SPOCK3: variants seen among roughly 807,000 people sequenced by gnomAD.
SPOCK3 encodes testican-3.
Under a neutral mutation model 56.6 loss-of-function variants are expected in SPOCK3, and 30 were observed. The ratio of observed to expected loss-of-function variants is 0.53; its 90% CI spans 0.40 to 0.72. The LOEUF (loss-of-function observed/expected upper bound fraction) is 0.72, where lower values mean the gene tolerates loss of function less well. SPOCK3 is among the 30% of genes least tolerant of loss of function. SPOCK3 has a pLI of 0.00. For synonymous variants in SPOCK3, 196 were observed against 183.3 expected (o/e 1.07, Z -0.56); for missense variants, 527 against 530.0 (o/e 0.99, Z 0.06).
At chr4:167,180,670 T>C (rs1313837269) in intron 2 of SPOCK3, among the ~76,000 whole-genome samples, 2 of 152,172 alleles carry the variant, frequency 1.3e-5, no homozygotes, top group African/African-American at 2.4e-5. Flanking sequence ...ATTCTGTGCC[T>C]GGCCTATTTA....
At chr4:167,223,148 GAATATATATTTTATATATGAATATAT>G (rs1411411343) in intron 2 of SPOCK3, among the ~76,000 whole-genome samples, 1 of 112,518 alleles carries the variant, frequency 8.9e-6, no homozygotes, top group Non-Finnish European at 1.7e-5. Context: ...TTTTATATAT[GAATATATATTTTATATATGAATATAT>G]AATATATATT....
intron 10 of SPOCK3, among the ~76,000 whole-genome samples, chr4:166,737,252 C>G (rs181284759): frequency 1.3e-5 from 2 of 152,230 alleles, no homozygotes; most frequent in Admixed American, 1.3e-4. Flanking sequence ...TAATTAATCT[C>G]TCTAGAAAAT....
At chr4:167,111,458 A>G (rs146368311) in intron 2 of SPOCK3, among the ~76,000 whole-genome samples, 2 of 152,236 alleles carry the variant, frequency 1.3e-5, no homozygotes, top group African/African-American at 4.8e-5. Context: ...TTCACTCTAA[A>G]CAAACTATTA....
chr4:166,774,220 T>C (rs1271221796), intron 7 of SPOCK3, among the ~76,000 whole-genome samples: 1 of 152,182 alleles, frequency 6.6e-6, no homozygotes, highest in Non-Finnish European at 1.5e-5. Flanking sequence ...CCATCTTTTT[T>C]ATGACCACCT....
intron 6 of SPOCK3, among the ~76,000 whole-genome samples, chr4:166,848,642 C>G (rs1748347130): frequency 6.6e-6 from 1 of 152,166 alleles, no homozygotes; most frequent in African/African-American, 2.4e-5. Flanking sequence ...TGTGTATGTA[C>G]TAACAGAATA....
chr4:166,784,766 G>A (rs1355300727), intron 7 of SPOCK3, among the ~76,000 whole-genome samples: 3 of 151,972 alleles, frequency 2.0e-5, no homozygotes, highest in Non-Finnish European at 4.4e-5. Context: ...TACCCTGAAG[G>A]TTTACATAAT....
chr4:166,839,867 G>T (rs528344747), intron 6 of SPOCK3, among the ~76,000 whole-genome samples: 18 of 152,098 alleles, frequency 1.2e-4, no homozygotes, highest in Non-Finnish European at 2.4e-4. Flanking sequence ...CTCTTCCCCA[G>T]AAAACCCCCA....
At chr4:167,148,892 A>C (rs1764188189) in intron 2 of SPOCK3, among the ~76,000 whole-genome samples, 1 of 152,170 alleles carries the variant, frequency 6.6e-6, no homozygotes, top group Non-Finnish European at 1.5e-5. Context: ...AAAAATTTGG[A>C]ACATTATTTT....
rs550832224 is a variant in SPOCK3 at position 167,086,872 on chromosome 4, T to C, written c.190-24335A>G. Reference sequence around the variant, plus strand: ...ATATTTGATCATTGAATTAATGAGATTACAAATTTAAACTTTTTCAAGTAT... The same window carrying C: ...ATATTTGATCATTGAATTAATGAGACTACAAATTTAAACTTTTTCAAGTAT... On this transcript the variant is annotated intron_variant, in intron 2 of 10. Coordinates refer to ENST00000357545, the MANE Select transcript of SPOCK3 (RefSeq NM_001040159.2). Among the ~76,000 whole-genome samples, 5 of 152,128 alleles carry C rather than the reference T, an allele frequency of 3.3e-5. No homozygotes were observed. In the East Asian group the frequency reaches 9.7e-4, roughly 29 times the overall value.
intron 4 of SPOCK3, among the ~76,000 whole-genome samples, chr4:166,980,996 C>T (rs923802336): frequency 8.5e-5 from 13 of 152,248 alleles, no homozygotes; most frequent in South Asian, 6.2e-4. Flanking sequence ...GTTCTTGCCG[C>T]GGTCTAGGAA....
intron 2 of SPOCK3, among the ~76,000 whole-genome samples, chr4:167,210,062 T>C (rs187158169): frequency 1.3e-5 from 2 of 152,298 alleles, no homozygotes; most frequent in Admixed American, 1.3e-4. Flanking sequence ...ATGAAAATCA[T>C]CAGCTTAGCA....
chr4:167,113,528 T>G (rs555384373), intron 2 of SPOCK3, among the ~76,000 whole-genome samples: 1 of 152,130 alleles, frequency 6.6e-6, no homozygotes, highest in East Asian at 1.9e-4. Flanking sequence ...TAAGAATGGG[T>G]TTCAGTCAGT....
intron 2 of SPOCK3, among the ~76,000 whole-genome samples, chr4:167,217,507 TTG>T (rs1289096878): frequency 6.6e-6 from 1 of 152,022 alleles, no homozygotes; most frequent in Non-Finnish European, 1.5e-5. Flanking sequence ...AAATACTACA[TTG>T]TGTTATATAA....
intron 3 of SPOCK3, among the ~76,000 whole-genome samples, chr4:167,019,619 A>G (rs1261075080): frequency 2.0e-5 from 3 of 152,024 alleles, no homozygotes; most frequent in South Asian, 2.1e-4. Flanking sequence ...ATTCTTAAAT[A>G]TAAAAGTAGT....
chr4:166,738,399 A>C (rs1175739559), intron 9 of SPOCK3, among the ~76,000 whole-genome samples: 1 of 131,012 alleles, frequency 7.6e-6, no homozygotes, highest in African/African-American at 2.9e-5. Flanking sequence ...GAATAGTAGA[A>C]CAGATAGATA....
chr4:166,770,144 T>A (rs1025651847), intron 7 of SPOCK3, among the ~76,000 whole-genome samples: 2 of 152,068 alleles, frequency 1.3e-5, no homozygotes, highest in African/African-American at 4.8e-5. Flanking sequence ...CCTGGTGAGG[T>A]GATGCCTCAC....
intron 3 of SPOCK3, among the ~76,000 whole-genome samples, chr4:167,021,137 C>G (rs1751131701): frequency 6.6e-6 from 1 of 151,922 alleles, no homozygotes; most frequent in Non-Finnish European, 1.5e-5. Flanking sequence ...CTTGAAAAAA[C>G]TTAATCTTAA....
intron 2 of SPOCK3, among the ~76,000 whole-genome samples, chr4:167,218,492 G>C (rs558186635): frequency 6.6e-6 from 1 of 152,096 alleles, no homozygotes; most frequent in African/African-American, 2.4e-5. Context: ...AGCTTTCAGT[G>C]ACTCAAAGCA....
intron 4 of SPOCK3, among the ~76,000 whole-genome samples, chr4:166,947,829 T>C (rs1340002207): frequency 6.6e-6 from 1 of 152,214 alleles, no homozygotes; most frequent in Non-Finnish European, 1.5e-5. Flanking sequence ...GTAATTAGCA[T>C]GTCCAGCTCC....
Sources: allele counts gnomAD v4.1 joint callset (sites outside exome capture counted in the v4.1 genomes callset), GRCh38; gene constraint gnomAD v4.1.1; transcripts MANE v1.5; gene names NCBI Gene and HGNC (gene_info 2026-07-23, HGNC 2026-07-21).